Variants in ASH1L observed in about 807,000 individuals in gnomAD.
The protein encoded by ASH1L is histone-lysine N-methyltransferase ASH1L.
ASH1L carries 23 observed loss-of-function variants against 269.0 expected under a neutral mutation model. The observed-to-expected ratio is 0.09, with a 90% confidence interval of 0.06 to 0.12. ASH1L has a LOEUF of 0.12. Ranked by LOEUF, ASH1L falls within the 10% of genes least tolerant of loss-of-function variation. ASH1L has a pLI of 1.00. For synonymous variants in ASH1L, 1,187 were observed against 1,253.5 expected (o/e 0.95, Z 1.12); for missense variants, 2,912 against 3,567.8 (o/e 0.82, Z 4.68).
In ASH1L at chr1:155,480,673, C is replaced by G; in HGVS notation, c.2197G>C (p.Gly733Arg). The G allele has an allele frequency of 1.2e-6, 2 of 1,613,706 alleles. No homozygotes were observed. Among genetic ancestry groups the G allele is most frequent in the Non-Finnish European group, 1.7e-6 (2 of 1,179,918 alleles). The change falls in exon 3 of 28, where the codon GGG becomes CGG. Residue 733 changes from glycine to arginine, a missense_variant. Transcript: ENST00000392403. ...VARSTCRSPK[G>R]LELERSELFK... ...AGCTCTGATCTTTCTAATTCTAGCC[C>G]TTTTGGAGACCGGCATGTGCTTCTT...
chr1:155,511,255 T>C (rs990119812), intron 2 of ASH1L, among the ~76,000 whole-genome samples: 1 of 152,178 alleles, frequency 6.6e-6, no homozygotes, highest in Non-Finnish European at 1.5e-5. Flanking sequence ...CAAAGAAACA[T>C]TAGAACAGTA....
At chr1:155,538,266 C>T (rs573247965) in intron 1 of ASH1L, among the ~76,000 whole-genome samples, 21 of 152,086 alleles carry the variant, frequency 1.4e-4, no homozygotes, top group Non-Finnish European at 2.1e-4. Context: ...TGGTCTTGAA[C>T]GTCTGACCTC....
chr1:155,462,479 C>G (rs1170852041), intron 3 of ASH1L, among the ~76,000 whole-genome samples: 1 of 152,230 alleles, frequency 6.6e-6, no homozygotes, highest in Non-Finnish European at 1.5e-5. Flanking sequence ...GGTACAGGCA[C>G]TTTCTTCAAA....
At chr1:155,526,841 T>C (rs1284905544) in intron 1 of ASH1L, among the ~76,000 whole-genome samples, 1 of 152,206 alleles carries the variant, frequency 6.6e-6, no homozygotes, top group East Asian at 1.9e-4. Flanking sequence ...CATCATCCAT[T>C]TCTCATATTT....
At chr1:155,410,715 T>G (rs1659693530) in intron 6 of ASH1L, among the ~76,000 whole-genome samples, 2 of 152,012 alleles carry the variant, frequency 1.3e-5, no homozygotes, top group African/African-American at 2.4e-5. Flanking sequence ...CCATAGAATG[T>G]ATATCACCAA....
intron 12 of ASH1L, 103 bp downstream of exon 12, chr1:155,370,401 A>G (rs1655838108): frequency 2.0e-6 from 3 of 1,480,844 alleles, no homozygotes. Flanking sequence ...GAACAGCCTG[A>G]GCTGCTTTGT....
At chr1:155,346,204 A>G (rs1313523363) in intron 21 of ASH1L, 179 bp downstream of exon 21, 13 of 1,524,980 alleles carry the variant, frequency 8.5e-6, no homozygotes, top group Non-Finnish European at 1.1e-5. Flanking sequence ...CTTTGGTCAT[A>G]CTCCTGAAAT....
At chr1:155,498,943 G>C (rs1031206962) in intron 2 of ASH1L, among the ~76,000 whole-genome samples, 1 of 138,710 alleles carries the variant, frequency 7.2e-6, no homozygotes, top group Non-Finnish European at 1.6e-5. Flanking sequence ...AAGCCAAAAA[G>C]AAATATTAAA....
intron 6 of ASH1L, among the ~76,000 whole-genome samples, chr1:155,405,430 C>T (rs1366864623): frequency 2.0e-5 from 3 of 151,914 alleles, no homozygotes; most frequent in South Asian, 2.1e-4. Flanking sequence ...TGCAGTGAGC[C>T]GAGATGAAGC....
At chr1:155,357,479 A>G in intron 14 of ASH1L, 69 bp from the exon 15 acceptor site, 1 of 1,591,372 alleles carries the variant, frequency 6.3e-7, no homozygotes, top group Non-Finnish European at 8.6e-7. Flanking sequence ...CAAGAATATT[A>G]AAACCACTCT....
chr1:155,343,588 G>C lies in ASH1L; in HGVS notation c.8120+16C>G. 1 of 1,613,930 alleles carries C rather than the reference G, an allele frequency of 6.2e-7. No individual in the cohort carries two copies. Among genetic ancestry groups the C allele is most frequent in the South Asian group, 1.1e-5 (1 of 91,058 alleles). Reference sequence around the variant, plus strand: ...ACAGCACGGCTGGAAGAAAAGGACAGGACCTCAGCACGTACTTTTCATTCT... The same window carrying C: ...ACAGCACGGCTGGAAGAAAAGGACACGACCTCAGCACGTACTTTTCATTCT... On this transcript the variant is annotated intron_variant, in intron 23 of 27. Coordinates refer to ENST00000392403, the MANE Select transcript of ASH1L (RefSeq NM_018489.3). The surrounding 1 kb of genome is among the most constrained non-coding windows in gnomAD (Gnocchi z 6.1).
chr1:155,434,037 A>G, intron 5 of ASH1L: 2 of 1,591,260 alleles, frequency 1.3e-6, no homozygotes, highest in Non-Finnish European at 1.7e-6. Context: ...CAGAAAGGCA[A>G]GCAATCAAGC....
At chr1:155,559,838 A>G (rs1294287766) in intron 1 of ASH1L, among the ~76,000 whole-genome samples, 1 of 152,186 alleles carries the variant, frequency 6.6e-6, no homozygotes, top group Non-Finnish European at 1.5e-5. Flanking sequence ...TAACTAAGCT[A>G]AACTCCAAGA....
At chr1:155,351,277 C>T (rs376142585) in intron 17 of ASH1L, among the ~76,000 whole-genome samples, 16 of 150,900 alleles carry the variant, frequency 1.1e-4, no homozygotes, top group Middle Eastern at 6.9e-3. Flanking sequence ...TGGCGGGGCA[C>T]AGTGGCTCAC....
Position 155,480,147 on chromosome 1 carries a change from A to G in ASH1L, c.2723T>C (p.Leu908Pro). 1 of 1,614,164 alleles carries G rather than the reference A, an allele frequency of 6.2e-7. No homozygotes were observed. Among genetic ancestry groups the G allele is most frequent in the Non-Finnish European group, 8.5e-7 (1 of 1,180,014 alleles). Residue 908 changes from leucine to proline, a missense_variant, in exon 3 of 28, where the codon CTG (leucine) becomes CCG (proline). Transcript: ENST00000392403. The stretch of plus-strand genomic sequence containing the variant: ...AGTGGCAACAAATGGAGCCACTGAC[A>G]GTACAGGTGGCTTCATCTTGACTGG... ...RSPVKMKPPV[L>P]SVAPFVATES...
chr1:155,456,547 C>T (rs769534164), intron 4 of ASH1L, among the ~76,000 whole-genome samples: 27 of 152,220 alleles, frequency 1.8e-4, no homozygotes, highest in South Asian at 4.1e-4. Context: ...CCAAAATGCT[C>T]GAGTTTCTTA....
chr1:155,429,414 A>G (rs1661432470), intron 5 of ASH1L, among the ~76,000 whole-genome samples: 1 of 152,108 alleles, frequency 6.6e-6, no homozygotes, highest in African/African-American at 2.4e-5. Flanking sequence ...CTAGGACTAC[A>G]GGCGTGTGCT....
At chr1:155,346,351 T>G in intron 21 of ASH1L, 32 bp downstream of exon 21, 2 of 1,607,018 alleles carry the variant, frequency 1.2e-6, no homozygotes, top group Non-Finnish European at 8.5e-7. Context: ...CTCCTACTTA[T>G]AGATCAGAGT....
chr1:155,496,562 C>T (rs942349233), intron 2 of ASH1L, among the ~76,000 whole-genome samples: 9 of 152,146 alleles, frequency 5.9e-5, no homozygotes, highest in Non-Finnish European at 1.2e-4. Context: ...CATCTTTCAT[C>T]CTCTGATTTG....
Sources: gnomAD v4.1 joint callset for allele counts (sites outside exome capture counted in the v4.1 genomes callset) on GRCh38, gnomAD v4.1.1 for gene constraint, Gnocchi (gnomAD v3.1) non-coding constraint, MANE v1.5 for transcripts, NCBI Gene and HGNC (gene_info 2026-07-23, HGNC 2026-07-21) for gene names.